HS3ST3A1: variants seen among roughly 807,000 people sequenced by gnomAD.
HS3ST3A1 encodes heparan sulfate glucosamine 3-O-sulfotransferase 3A1.
A neutral mutation model predicts 25.7 loss-of-function variants in HS3ST3A1; 19 were observed. That is an observed-to-expected ratio of 0.74 (90% confidence interval 0.52 to 1.08). The LOEUF is 1.08. Ranked by LOEUF, HS3ST3A1 falls within the 50% of genes least tolerant of loss-of-function variation. The probability of loss-of-function intolerance (pLI) is 0.00; values close to 1 mark genes in which losing one functional copy is unlikely to be tolerated. For synonymous variants in HS3ST3A1, 226 were observed against 278.6 expected (o/e 0.81, Z 1.88); for missense variants, 459 against 594.3 (o/e 0.77, Z 2.37).
rs1026758243 is a variant in HS3ST3A1, at chr17:13,505,419, T to G, written c.600-8601A>C. Among the ~76,000 whole-genome samples the G allele has an allele frequency of 2.6e-5, 4 of 152,074 alleles. No individual in the cohort carries two copies. In the East Asian group the frequency reaches 7.7e-4, roughly 29 times the overall value. On this transcript the variant is annotated intron_variant, in intron 1 of 1. Transcript: ENST00000284110. ...AAGATGATGACTTGATTAACGTCAG[T>G]GATATATTAAATCTGAAACAGTGTG...
intron 1 of HS3ST3A1, among the ~76,000 whole-genome samples, chr17:13,586,343 C>T (rs534835370): frequency 2.6e-5 from 4 of 152,038 alleles, no homozygotes; most frequent in African/African-American, 9.7e-5. Context: ...GATTCCTCAA[C>T]GGCCACCTAT....
chr17:13,575,640 G>C (rs1325086843), intron 1 of HS3ST3A1, among the ~76,000 whole-genome samples: 1 of 152,192 alleles, frequency 6.6e-6, no homozygotes, highest in African/African-American at 2.4e-5. Flanking sequence ...GGTTAGCAAA[G>C]AGTCTGCCAA....
intron 1 of HS3ST3A1, among the ~76,000 whole-genome samples, chr17:13,570,568 C>T (rs1212790553): frequency 6.6e-6 from 1 of 152,292 alleles, no homozygotes; most frequent in East Asian, 1.9e-4. Flanking sequence ...TAGCCTCAAC[C>T]TCCTAGGCTC....
intron 1 of HS3ST3A1, among the ~76,000 whole-genome samples, chr17:13,591,634 A>G (rs1033073568): frequency 1.4e-5 from 2 of 148,040 alleles, no homozygotes; most frequent in Non-Finnish European, 3.0e-5. Context: ...ATTTTAATGT[A>G]TTGCCCAAAT....
At chr17:13,548,770 G>T (rs956894961) in intron 1 of HS3ST3A1, among the ~76,000 whole-genome samples, 3 of 152,100 alleles carry the variant, frequency 2.0e-5, no homozygotes, top group Non-Finnish European at 4.4e-5. Flanking sequence ...GCGTTCTTGT[G>T]TCTAGCTAAA....
chr17:13,551,263 C>T (rs574319896), intron 1 of HS3ST3A1, among the ~76,000 whole-genome samples: 59 of 149,912 alleles, frequency 3.9e-4, no homozygotes, highest in South Asian at 1.1e-3. Flanking sequence ...GCAGGAGAAT[C>T]GCTTGAACCT....
intron 1 of HS3ST3A1, among the ~76,000 whole-genome samples, chr17:13,506,796 C>T (rs1905691558): frequency 6.6e-6 from 1 of 151,978 alleles, no homozygotes; most frequent in Non-Finnish European, 1.5e-5. Context: ...GTGGCTCACG[C>T]CTGTAATCCC....
intron 1 of HS3ST3A1, among the ~76,000 whole-genome samples, chr17:13,590,607 G>A (rs1908398678): frequency 1.3e-5 from 2 of 151,998 alleles, no homozygotes; most frequent in African/African-American, 4.8e-5. Context: ...TATCTTATTG[G>A]AACTAAAGGA....
chr17:13,523,356 T>C (rs1225398261), intron 1 of HS3ST3A1, among the ~76,000 whole-genome samples: 1 of 152,118 alleles, frequency 6.6e-6, no homozygotes, highest in Non-Finnish European at 1.5e-5. Flanking sequence ...AATAACGTAG[T>C]AATGGGTAAG....
intron 1 of HS3ST3A1, among the ~76,000 whole-genome samples, chr17:13,593,545 C>T (rs1023634875): frequency 3.3e-5 from 5 of 152,044 alleles, no homozygotes; most frequent in Non-Finnish European, 7.4e-5. Context: ...GCAACAGGTG[C>T]GGGGCAGGGG....
chr17:13,554,497 T>A (rs1242413892), intron 1 of HS3ST3A1, among the ~76,000 whole-genome samples: 1 of 152,224 alleles, frequency 6.6e-6, no homozygotes, highest in Non-Finnish European at 1.5e-5. Context: ...TGACAGCCGC[T>A]AGGCCCTGTG....
intron 1 of HS3ST3A1, among the ~76,000 whole-genome samples, chr17:13,521,393 C>T (rs965148857): frequency 2.6e-5 from 4 of 152,096 alleles, no homozygotes; most frequent in African/African-American, 9.7e-5. Context: ...TTCTCACTAC[C>T]GGGTTTTGAA....
intron 1 of HS3ST3A1, among the ~76,000 whole-genome samples, chr17:13,511,898 C>G (rs889074230): frequency 6.6e-6 from 1 of 151,932 alleles, no homozygotes; most frequent in Non-Finnish European, 1.5e-5. Flanking sequence ...GAAATAAAGA[C>G]AACTTTTAAA....
At chr17:13,550,426 C>T (rs951941627) in intron 1 of HS3ST3A1, among the ~76,000 whole-genome samples, 3 of 152,048 alleles carry the variant, frequency 2.0e-5, no homozygotes, top group Non-Finnish European at 4.4e-5. Context: ...AAACCTCCCT[C>T]CACACACGCC....
chr17:13,558,547 G>A (rs1033587367), intron 1 of HS3ST3A1, among the ~76,000 whole-genome samples: 8 of 152,102 alleles, frequency 5.3e-5, no homozygotes, highest in African/African-American at 1.4e-4. Context: ...TGATTATCTC[G>A]AGCGAAGGAA....
At chr17:13,498,453 C>T (rs1194800050) in intron 1 of HS3ST3A1, among the ~76,000 whole-genome samples, 1 of 152,224 alleles carries the variant, frequency 6.6e-6, no homozygotes, top group Non-Finnish European at 1.5e-5. Flanking sequence ...CAGATCGGAA[C>T]TCCTTTTCCC....
At chr17:13,552,370 C>T (rs181218892) in intron 1 of HS3ST3A1, among the ~76,000 whole-genome samples, 77 of 152,300 alleles carry the variant, frequency 5.1e-4, no homozygotes, top group Middle Eastern at 3.4e-3. Flanking sequence ...CGTGAGCCAC[C>T]GCACCTGGCC....
intron 1 of HS3ST3A1, among the ~76,000 whole-genome samples, chr17:13,514,414 T>C (rs1905986157): frequency 6.6e-6 from 1 of 152,202 alleles, no homozygotes; most frequent in African/African-American, 2.4e-5. Context: ...TAAATCATGG[T>C]TAAAGTCAAA....
chr17:13,520,541 C>T (rs1906197270), intron 1 of HS3ST3A1, among the ~76,000 whole-genome samples: 1 of 152,102 alleles, frequency 6.6e-6, no homozygotes, highest in East Asian at 1.9e-4. Context: ...CCCAACCAGT[C>T]TATGTCTGTA....
Sources: gnomAD v4.1 joint callset for allele counts (sites outside exome capture counted in the v4.1 genomes callset) on GRCh38, gnomAD v4.1.1 for gene constraint, MANE v1.5 for transcripts, NCBI Gene and HGNC (gene_info 2026-07-23, HGNC 2026-07-21) for gene names.